DGLUCY: variants seen among roughly 807,000 people sequenced by gnomAD.
DGLUCY encodes D-glutamate cyclase, mitochondrial.
Under a neutral mutation model 58.5 loss-of-function variants are expected in DGLUCY, and 58 were observed. The ratio of observed to expected loss-of-function variants is 0.99; its 90% CI spans 0.80 to 1.23. DGLUCY has a LOEUF of 1.23. Ranked by LOEUF, DGLUCY falls within the 50% of genes most tolerant of loss-of-function variation. DGLUCY has a pLI of 0.00. For synonymous variants in DGLUCY, 325 were observed against 314.1 expected, an observed-to-expected ratio of 1.03 and a Z score of -0.37; for missense variants, 779 against 784.7, an observed-to-expected ratio of 0.99 and a Z score of 0.09.
intron 1 of DGLUCY, among the ~76,000 whole-genome samples, chr14:91,084,481 A>G (rs1319093373): frequency 1.3e-5 from 2 of 152,128 alleles, no homozygotes; most frequent in African/African-American, 4.8e-5. Flanking sequence ...CTGGGATTAC[A>G]GGGATGAGCC....
At chr14:91,153,522 A>C (rs1168921016) in intron 1 of DGLUCY, among the ~76,000 whole-genome samples, 1 of 152,162 alleles carries the variant, frequency 6.6e-6, no homozygotes, top group Non-Finnish European at 1.5e-5. Context: ...TGTGCCAGGC[A>C]CTGTTGATGC....
At chr14:91,072,054 G>A (rs990840381) in intron 1 of DGLUCY, among the ~76,000 whole-genome samples, 2 of 151,952 alleles carry the variant, frequency 1.3e-5, no homozygotes, top group Non-Finnish European at 1.5e-5. Flanking sequence ...CAGGCGTTGG[G>A]GCTCATGCCT....
intron 1 of DGLUCY, among the ~76,000 whole-genome samples, chr14:91,135,313 C>T (rs2046262530): frequency 6.6e-6 from 1 of 152,138 alleles, no homozygotes; most frequent in Non-Finnish European, 1.5e-5. Flanking sequence ...TTAGGCCTTG[C>T]TCCTGATCTT....
At chr14:91,186,710 C>T (rs750698153) in intron 8 of DGLUCY, among the ~76,000 whole-genome samples, 14 of 152,160 alleles carry the variant, frequency 9.2e-5, no homozygotes, top group Admixed American at 6.5e-4. Context: ...CGAGAAGTGA[C>T]TCGCTGGCTC....
At position 91,188,999 on chromosome 14, in the gene DGLUCY, A is replaced by G. The variant is rs780274921; in HGVS notation, c.1024A>G (p.Thr342Ala). The G allele has an allele frequency of 1.2e-5, 19 of 1,614,060 alleles. No individual in the cohort carries two copies. Among genetic ancestry groups the G allele is most frequent in the Middle Eastern group, 1.6e-4 (1 of 6,084 alleles). The part of the protein sequence containing the change: ...LSHARSVLIT[T>A]GFPTHFNHEP... ...CCATGCCCGCTCAGTGCTCATCACC[A>G]CTGGGTTCCCCACACATTTCAATCA... is the stretch of plus-strand genomic sequence containing the variant. Residue 342 changes from threonine to alanine, a missense_variant, in exon 9 of 14, where the codon ACT (threonine) becomes GCT (alanine). Thr to Ala is a moderately conservative substitution (Grantham distance 58). Coordinates refer to ENST00000256324, the MANE Select transcript of DGLUCY (RefSeq NM_001102368.3).
At chr14:91,205,816 CT>C (rs1884553028) in intron 12 of DGLUCY, among the ~76,000 whole-genome samples, 1 of 146,590 alleles carries the variant, frequency 6.8e-6, no homozygotes, top group African/African-American at 2.6e-5. Context: ...TCTCCTCCTC[CT>C]CCTCCTCCTC....
chr14:91,170,739 C>T (rs1339608175), intron 5 of DGLUCY, among the ~76,000 whole-genome samples: 1 of 152,162 alleles, frequency 6.6e-6, no homozygotes, highest in Non-Finnish European at 1.5e-5. Context: ...CCCTACTTGT[C>T]AAGGTGAGTG....
At chr14:91,213,435 A>C (rs77547973) in intron 12 of DGLUCY, among the ~76,000 whole-genome samples, 3 of 148,380 alleles carry the variant, frequency 2.0e-5, no homozygotes, top group African/African-American at 7.4e-5. Context: ...ACTTGCTCTC[A>C]AAAAAAAAAA....
chr14:91,179,323 G>A (rs922082815), intron 7 of DGLUCY, among the ~76,000 whole-genome samples: 1 of 152,216 alleles, frequency 6.6e-6, no homozygotes, highest in South Asian at 2.1e-4. Flanking sequence ...TGTGGCTCAT[G>A]CCTGTAATCC....
chr14:91,194,022 G>T lies in DGLUCY; in HGVS notation c.1196-2353G>T, dbSNP rs140041719. Reference sequence around the variant, plus strand: ...CTTTCTCGTGTGTTCCCCACTTTGGGATACATTATGTTCCCTGCCTTCCTG... The same window carrying T: ...CTTTCTCGTGTGTTCCCCACTTTGGTATACATTATGTTCCCTGCCTTCCTG... On this transcript the variant is annotated intron_variant, in intron 9 of 13. Coordinates refer to ENST00000256324, the MANE Select transcript of DGLUCY (RefSeq NM_001102368.3). Among the ~76,000 whole-genome samples, 5 of 152,178 alleles carry T rather than the reference G, an allele frequency of 3.3e-5. No homozygotes were observed. In the East Asian group the frequency reaches 9.7e-4, roughly 29 times the overall value.
At chr14:91,117,014 G>A (rs952178459) in intron 1 of DGLUCY, among the ~76,000 whole-genome samples, 7 of 152,028 alleles carry the variant, frequency 4.6e-5, no homozygotes, top group African/African-American at 1.2e-4. Flanking sequence ...TATACTTAAC[G>A]GTTATTTATT....
intron 12 of DGLUCY, among the ~76,000 whole-genome samples, chr14:91,205,377 C>T (rs1401298103): frequency 6.6e-6 from 1 of 152,198 alleles, no homozygotes; most frequent in Non-Finnish European, 1.5e-5. Context: ...GCAGGACCCA[C>T]CTTTCCTGTG....
intron 1 of DGLUCY, among the ~76,000 whole-genome samples, chr14:91,095,985 A>G (rs978351024): frequency 2.0e-5 from 3 of 152,172 alleles, no homozygotes; most frequent in Non-Finnish European, 2.9e-5. Context: ...CCAATCCCCT[A>G]TAACAAGAAT....
intron 1 of DGLUCY, among the ~76,000 whole-genome samples, chr14:91,082,238 TG>T (rs1418205903): frequency 6.6e-6 from 1 of 152,174 alleles, no homozygotes; most frequent in Admixed American, 6.6e-5. Flanking sequence ...CTTTCTTATT[TG>T]GGAGGAATTC....
At chr14:91,123,347 G>A (rs920556649) in intron 1 of DGLUCY, among the ~76,000 whole-genome samples, 6 of 152,096 alleles carry the variant, frequency 3.9e-5, no homozygotes, top group African/African-American at 1.4e-4. Flanking sequence ...TGATATTAGC[G>A]CACATCTTGA....
rs141643628 is a variant in DGLUCY, at chr14:91,209,120, C to T, written c.1564+4295C>T. On this transcript the variant is annotated intron_variant, in intron 12 of 13. Transcript: ENST00000256324. The stretch of plus-strand genomic sequence containing the variant: ...CCTGAGGTCAGGAGTTCGAGACCAG[C>T]CTTGCCAACATGGTGAACTCCCATC... 6.7e-4 allele frequency among the ~76,000 whole-genome samples: 102 copies of T among 151,834 alleles called. 1 individual carries two copies. Among genetic ancestry groups the T allele is most frequent in the Non-Finnish European group, 1.3e-3 (90 of 67,928 alleles).
intron 1 of DGLUCY, among the ~76,000 whole-genome samples, chr14:91,129,744 T>C (rs1410310887): frequency 6.6e-6 from 1 of 152,066 alleles, no homozygotes; most frequent in Non-Finnish European, 1.5e-5. Flanking sequence ...CCTTCCGGGT[T>C]CAAGCGATTC....
At chr14:91,074,116 T>TACACACACACACACACACACACAC (rs1280375718) in intron 1 of DGLUCY, among the ~76,000 whole-genome samples, 31 of 77,490 alleles carry the variant, frequency 4.0e-4, no homozygotes, top group South Asian at 5.7e-4. Flanking sequence ...TATATATATA[T>TACACACACACACACACACACACAC]ATACACACAC....
chr14:91,157,166 G>A (rs1194385807), intron 1 of DGLUCY, among the ~76,000 whole-genome samples: 24 of 142,134 alleles, frequency 1.7e-4, no homozygotes, highest in African/African-American at 6.2e-4. Flanking sequence ...TGAATGGGTG[G>A]ATGGATAGAT....
Sources: allele counts gnomAD v4.1 joint callset (sites outside exome capture counted in the v4.1 genomes callset), GRCh38; gene constraint gnomAD v4.1.1; transcripts MANE v1.5; gene names NCBI Gene and HGNC (gene_info 2026-07-23, HGNC 2026-07-21).